The following RAB2A variants were observed in gnomAD, a reference collection of about 807,000 sequenced individuals.
RAB2A encodes RAB2A, member RAS oncogene family.
Under a neutral mutation model 32.5 loss-of-function variants are expected in RAB2A, and 7 were observed. The observed-to-expected ratio is 0.22, with a 90% CI of 0.12 to 0.40. RAB2A has a LOEUF of 0.40. Ranked by LOEUF, RAB2A falls within the 10% of genes least tolerant of loss-of-function variation. RAB2A has a pLI of 1.00. For missense variants in RAB2A, 108 were observed against 260.7 expected, an observed-to-expected ratio of 0.41 and a Z score of 4.03; for synonymous variants, 79 against 85.2, an observed-to-expected ratio of 0.93 and a Z score of 0.40.
At chr8:60,532,119 C>G (rs958748226) in intron 1 of RAB2A, among the ~76,000 whole-genome samples, 1 of 152,008 alleles carries the variant, frequency 6.6e-6, no homozygotes, top group Non-Finnish European at 1.5e-5. Context: ...TTGATTTCTT[C>G]TACACTCACT....
In RAB2A at chr8:60,517,113, G is replaced by C. The variant is rs1807217559; in HGVS notation, c.-95G>C. 7.7e-7 allele frequency: 1 copy of C among 1,300,692 alleles called. No homozygotes were observed. The highest frequency in any genetic ancestry group is 2.8e-4 in the Middle Eastern group (1 of 3,630). The allele number at this position is 1,300,692 out of a possible 1,614,324, so 80.6% of individuals were successfully genotyped here. A position where few individuals can be genotyped will look rare whatever the true frequency, so the allele number is the denominator to read the frequency against. Reference sequence around the variant, plus strand: ...CAGCGGCGGCGGCGGGCGGCGCCTGGCGTTTCGAGGCTGAGCGGCACCGGG... The same window carrying C: ...CAGCGGCGGCGGCGGGCGGCGCCTGCCGTTTCGAGGCTGAGCGGCACCGGG... On this transcript the variant is annotated 5_prime_UTR_variant, in exon 1 of 8. Transcript: ENST00000262646.
chr8:60,575,375 C>T (rs1239119787), intron 3 of RAB2A, among the ~76,000 whole-genome samples: 1 of 152,002 alleles, frequency 6.6e-6, no homozygotes, highest in Admixed American at 6.6e-5. Context: ...ACTTCCAAAA[C>T]TTTTTAATAA....
intron 1 of RAB2A, among the ~76,000 whole-genome samples, chr8:60,521,300 G>GA (rs1319897970): frequency 6.6e-6 from 1 of 152,142 alleles, no homozygotes; most frequent in Non-Finnish European, 1.5e-5. Flanking sequence ...GGGCATGGGG[G>GA]AATGTCTGGT....
chr8:60,529,981 T>C (rs567013601), intron 1 of RAB2A, among the ~76,000 whole-genome samples: 162 of 151,784 alleles, frequency 1.1e-3, no homozygotes, highest in African/African-American at 3.8e-3. Flanking sequence ...CTGTGTCACC[T>C]TTTTTTTGAG....
intron 3 of RAB2A, among the ~76,000 whole-genome samples, chr8:60,580,117 C>T (rs1223237794): frequency 6.6e-6 from 1 of 151,264 alleles, no homozygotes; most frequent in East Asian, 2.0e-4. Context: ...CTGCCCCAGC[C>T]TCCCAAGTAG....
At chr8:60,536,533 T>G (rs149040952) in intron 1 of RAB2A, among the ~76,000 whole-genome samples, 1 of 152,350 alleles carries the variant, frequency 6.6e-6, no homozygotes, top group Non-Finnish European at 1.5e-5. Context: ...GAATTTTTAG[T>G]TATGAAAGGA....
intron 6 of RAB2A, among the ~76,000 whole-genome samples, chr8:60,606,114 A>T (rs1804227094): frequency 6.6e-6 from 1 of 152,040 alleles, no homozygotes; most frequent in South Asian, 2.1e-4. Context: ...GCACCACTGC[A>T]CTCCAGCCTG....
At chr8:60,603,761 C>T (rs1804177404) in intron 6 of RAB2A, among the ~76,000 whole-genome samples, 1 of 152,108 alleles carries the variant, frequency 6.6e-6, no homozygotes, top group African/African-American at 2.4e-5. Flanking sequence ...TAGCTTATGC[C>T]TGTAATCCTG....
chr8:60,576,284 GA>G (rs34326272), intron 3 of RAB2A: 1 of 456,262 alleles, frequency 2.2e-6, no homozygotes, highest in South Asian at 1.5e-5. Context: ...TTCATTGGCA[GA>G]AAAAAGGCAG....
At chr8:60,572,203 G>C in intron 3 of RAB2A, 90 bp downstream of exon 3, 2 of 942,660 alleles carry the variant, frequency 2.1e-6, no homozygotes, top group South Asian at 3.1e-5. Context: ...TTATATGCCT[G>C]TTATGGTTTG....
chr8:60,575,136 T>C (rs1808253153), intron 3 of RAB2A, among the ~76,000 whole-genome samples: 1 of 149,198 alleles, frequency 6.7e-6, no homozygotes, highest in Non-Finnish European at 1.5e-5. Context: ...TCTTACTCTG[T>C]CGCCCAGGCT....
chr8:60,531,142 T>C (rs748690194), intron 1 of RAB2A, among the ~76,000 whole-genome samples: 15 of 152,350 alleles, frequency 9.8e-5, no homozygotes, highest in South Asian at 2.1e-4. Context: ...ACAGTTGATA[T>C]ATCAGTGTCA....
chr8:60,598,936 G>GAAAA (rs1491559470), intron 6 of RAB2A, among the ~76,000 whole-genome samples: 1 of 3,496 alleles, frequency 2.9e-4, no homozygotes. Flanking sequence ...GTGCAGTAAA[G>GAAAA]CAAAAAAAAA....
At chr8:60,586,395 A>T (rs914469942) in intron 5 of RAB2A, among the ~76,000 whole-genome samples, 1 of 107,762 alleles carries the variant, frequency 9.3e-6, no homozygotes, top group African/African-American at 3.4e-5. Context: ...AAAAAAAAAG[A>T]GAGAGAGAAA....
chr8:60,559,886 A>G (rs1586082712), intron 2 of RAB2A, among the ~76,000 whole-genome samples: 1 of 152,222 alleles, frequency 6.6e-6, no homozygotes, highest in Non-Finnish European at 1.5e-5. Flanking sequence ...CAAATCAGAG[A>G]TAGAGCTCAT....
intron 6 of RAB2A, among the ~76,000 whole-genome samples, chr8:60,601,518 A>G (rs984657474): frequency 2.0e-5 from 3 of 152,170 alleles, no homozygotes; most frequent in Non-Finnish European, 2.9e-5. Flanking sequence ...TTGTACTTCT[A>G]GTAGAAACAA....
intron 6 of RAB2A, among the ~76,000 whole-genome samples, chr8:60,604,898 A>T (rs188629192): frequency 6.6e-6 from 1 of 152,328 alleles, no homozygotes; most frequent in Non-Finnish European, 1.5e-5. Flanking sequence ...CAGGAGAGGA[A>T]TTCAGACAGG....
intron 5 of RAB2A, among the ~76,000 whole-genome samples, chr8:60,586,702 A>G (rs915211850): frequency 1.3e-5 from 2 of 152,098 alleles, no homozygotes; most frequent in Admixed American, 1.3e-4. Context: ...GCATCACATG[A>G]GGCAAGGAGT....
At chr8:60,594,103 A>T (rs1803984666) in intron 6 of RAB2A, among the ~76,000 whole-genome samples, 1 of 152,196 alleles carries the variant, frequency 6.6e-6, no homozygotes. Flanking sequence ...TTGAGGAAAC[A>T]AATGAACACT....
Sources: allele counts gnomAD v4.1 joint callset (sites outside exome capture counted in the v4.1 genomes callset), GRCh38; gene constraint gnomAD v4.1.1; transcripts MANE v1.5; gene names NCBI Gene and HGNC (gene_info 2026-07-23, HGNC 2026-07-21).